The following PGPEP1L variants were observed in gnomAD, a reference collection of about 807,000 sequenced individuals.
The protein encoded by PGPEP1L is pyroglutamyl-peptidase I like, also known as pyroglutamyl-peptidase 1-like protein.
In PGPEP1L, 7 loss-of-function variants were observed where a neutral mutation model predicts 6.0. That is an observed-to-expected ratio of 1.17 (90% confidence interval 0.66 to 2.19). The LOEUF (loss-of-function observed/expected upper bound fraction) is 2.19. PGPEP1L is among the 30% of genes most tolerant of loss of function. The pLI is 0.00. For missense variants in PGPEP1L, 209 were observed against 192.5 expected, an observed-to-expected ratio of 1.09 and a Z score of -0.51; for synonymous variants, 103 against 83.9, an observed-to-expected ratio of 1.23 and a Z score of -1.24.
chr15:98,982,265 G>C (rs1215223262), intron 2 of PGPEP1L, among the ~76,000 whole-genome samples: 1 of 152,228 alleles, frequency 6.6e-6, no homozygotes, highest in African/African-American at 2.4e-5. Flanking sequence ...GAGCTCCCTG[G>C]AGTGCGGCCC....
At chr15:99,005,879 T>TG (rs1215720932) in intron 1 of PGPEP1L, among the ~76,000 whole-genome samples, 2 of 152,218 alleles carry the variant, frequency 1.3e-5, no homozygotes, top group Non-Finnish European at 2.9e-5. Flanking sequence ...AAAGAGGTAC[T>TG]GTCCTAGGAA....
rs763701780 is a variant in PGPEP1L at position 98,969,565 on chromosome 15, G to A, written c.69C>T (p.Asp23=). Residue 23 remains aspartate (D), a synonymous_variant, in exon 4 of 5, where the codon GAC becomes GAT. Coordinates refer to ENST00000535714, the MANE Select transcript of PGPEP1L (RefSeq NM_001167902.2). The part of the protein sequence containing the change: ...SGKNQGYRDA[D]IRSFWPEGGV... ...CGCCCTCGGGCCAGAAGCTGCGGAT[G>A]TCGGCGTCCCGGTAGCCTTGGTTCT... The A allele has an allele frequency of 6.2e-6, 10 of 1,613,940 alleles. No individual in the cohort carries two copies. Among genetic ancestry groups the A allele is most frequent in the Admixed American group, 1.7e-5 (1 of 60,036 alleles).
At chr15:99,005,716 G>A (rs2018046562) in intron 1 of PGPEP1L, 60 bp from the exon 2 acceptor site, 1 of 152,596 alleles carries the variant, frequency 6.6e-6, no homozygotes, top group African/African-American at 2.4e-5. Flanking sequence ...TCAGGACAGC[G>A]GGTTGGAGCG....
chr15:99,006,470 A>AT (rs1329766682), intron 1 of PGPEP1L, among the ~76,000 whole-genome samples: 4 of 152,260 alleles, frequency 2.6e-5, no homozygotes, highest in African/African-American at 9.6e-5. Context: ...ATTTGAGGCT[A>AT]TTTCCTCTAT....
intron 2 of PGPEP1L, among the ~76,000 whole-genome samples, chr15:98,975,290 GAAT>G (rs1483897060): frequency 6.6e-6 from 1 of 152,156 alleles, no homozygotes; most frequent in Non-Finnish European, 1.5e-5. Context: ...TGGAGGTAGA[GAAT>G]AGAATGATGA....
At chr15:99,004,076 T>A (rs1198449739) in intron 2 of PGPEP1L, among the ~76,000 whole-genome samples, 1 of 146,090 alleles carries the variant, frequency 6.8e-6, no homozygotes, top group Non-Finnish European at 1.5e-5. Flanking sequence ...TCCAACACAA[T>A]TCAGAAAACT....
chr15:98,983,012 G>A (rs1279170921), intron 2 of PGPEP1L, among the ~76,000 whole-genome samples: 1 of 151,996 alleles, frequency 6.6e-6, no homozygotes, highest in East Asian at 1.9e-4. Context: ...CACCCAGCCT[G>A]AGGCTTTCTC....
chr15:98,977,750 G>A (rs990468933), intron 2 of PGPEP1L, among the ~76,000 whole-genome samples: 3 of 152,202 alleles, frequency 2.0e-5, no homozygotes, highest in Non-Finnish European at 4.4e-5. Flanking sequence ...TGTTCTGTCC[G>A]TTATTGAGAG....
chr15:99,001,570 T>TA (rs2151766655), intron 2 of PGPEP1L, among the ~76,000 whole-genome samples: 1 of 152,370 alleles, frequency 6.6e-6, no homozygotes, highest in East Asian at 1.9e-4. Context: ...ATGTGGATTA[T>TA]ATCTCAATGA....
intron 2 of PGPEP1L, among the ~76,000 whole-genome samples, chr15:98,993,453 G>C (rs2017844802): frequency 6.6e-6 from 1 of 152,182 alleles, no homozygotes; most frequent in African/African-American, 2.4e-5. Flanking sequence ...AACAACAGAT[G>C]CTGGAGAGGA....
intron 2 of PGPEP1L, among the ~76,000 whole-genome samples, chr15:98,982,526 G>A (rs1260491807): frequency 6.6e-6 from 1 of 152,106 alleles, no homozygotes; most frequent in South Asian, 2.1e-4. Flanking sequence ...GACGTCATGG[G>A]AAAGTGCATT....
intron 2 of PGPEP1L, among the ~76,000 whole-genome samples, chr15:98,990,315 A>G (rs533539905): frequency 5.9e-5 from 9 of 152,294 alleles, no homozygotes; most frequent in African/African-American, 2.2e-4. Flanking sequence ...TTACAATCCT[A>G]GTCTCTGTTA....
At chr15:99,001,235 AC>A (rs1555472982) in intron 2 of PGPEP1L, 1 of 400,170 alleles carries the variant, frequency 2.5e-6, no homozygotes, top group Non-Finnish European at 5.0e-6. Flanking sequence ...CCAACAACCC[AC>A]CAATTCTGGA....
intron 2 of PGPEP1L, among the ~76,000 whole-genome samples, chr15:98,977,858 G>A (rs1016368005): frequency 1.3e-5 from 2 of 152,170 alleles, no homozygotes; most frequent in African/African-American, 4.8e-5. Context: ...CTGTTATTAG[G>A]AGCATGAATG....
At chr15:98,992,935 C>T (rs1555472199) in intron 2 of PGPEP1L, among the ~76,000 whole-genome samples, 1 of 152,122 alleles carries the variant, frequency 6.6e-6, no homozygotes, top group African/African-American at 2.4e-5. Flanking sequence ...ACACCTTATA[C>T]AAAAATTAAT....
chr15:98,989,159 C>CA (rs1312978501), intron 2 of PGPEP1L, among the ~76,000 whole-genome samples: 9 of 152,236 alleles, frequency 5.9e-5, no homozygotes, highest in African/African-American at 2.2e-4. Context: ...AAGTAGGCTT[C>CA]ACAAGGTGGA....
intron 2 of PGPEP1L, among the ~76,000 whole-genome samples, chr15:98,975,196 T>C (rs1323058318): frequency 6.6e-6 from 1 of 152,184 alleles, no homozygotes; most frequent in Non-Finnish European, 1.5e-5. Context: ...TGGAGGTCAT[T>C]ATGTTAAGTG....
In PGPEP1L at chr15:98,971,101, G is replaced by A. The variant is rs1330284898; in HGVS notation, c.-84C>T. The A allele has an allele frequency of 6.2e-7, 1 of 1,611,596 alleles. No individual in the cohort carries two copies. ...TTAGCCTCCCTGTAATCTACAGGCA[G>A]CTCCAGAGTCCGCAGCTGCACCACT... On this transcript the variant is annotated 5_prime_UTR_variant, in exon 3 of 5. Transcript: ENST00000535714.
intron 2 of PGPEP1L, among the ~76,000 whole-genome samples, chr15:98,978,621 A>G (rs958685048): frequency 1.3e-5 from 2 of 151,766 alleles, no homozygotes; most frequent in African/African-American, 4.8e-5. Context: ...ATCCTGGACC[A>G]AATTAGACAT....
Sources: allele counts gnomAD v4.1 joint callset (sites outside exome capture counted in the v4.1 genomes callset), GRCh38; gene constraint gnomAD v4.1.1; transcripts MANE v1.5; gene names NCBI Gene and HGNC (gene_info 2026-07-23, HGNC 2026-07-21).